The following KMT2C variants were observed in gnomAD, a reference collection of about 807,000 sequenced individuals.
KMT2C encodes lysine methyltransferase 2C, also known as histone-lysine N-methyltransferase 2C.
Under a neutral mutation model 507.9 loss-of-function variants are expected in KMT2C, and 88 were observed. That is an observed-to-expected ratio of 0.17 (90% CI 0.15 to 0.21). The LOEUF is 0.21. KMT2C is among the 10% of genes least tolerant of loss of function. The pLI, the probability that KMT2C is intolerant of heterozygous loss-of-function variation, is 1.00. For synonymous variants in KMT2C, 2,049 were observed against 2,080.8 expected, an observed-to-expected ratio of 0.98 and a Z score of 0.42; for missense variants, 4,954 against 5,957.8, an observed-to-expected ratio of 0.83 and a Z score of 5.55.
chr7:152,221,896 T>C (rs1001895307), intron 22 of KMT2C, 105 bp downstream of exon 22: 3 of 733,334 alleles, frequency 4.1e-6, no homozygotes, highest in Admixed American at 5.2e-5. Context: ...AGAATTTGGA[T>C]AGAACACCCA....
At position 152,177,087 on chromosome 7, in the gene KMT2C, C is replaced by G. The variant is rs1235484899; in HGVS notation, c.8366G>C (p.Cys2789Ser). 1.2e-6 allele frequency: 2 copies of G among 1,612,674 alleles called. No individual in the cohort carries two copies. Among genetic ancestry groups the G allele is most frequent in the Non-Finnish European group, 1.7e-6 (2 of 1,179,440 alleles). ...CTTTTTTTTTGGTTCAACAGATACA[C>G]ACTGATTATCTAACTTATCATCAAT... is the stretch of plus-strand genomic sequence containing the variant. Reference protein sequence around the residue: ...LPIDDKLDNQCVSVEPKKKEQ... With the variant: ...LPIDDKLDNQSVSVEPKKKEQ... The change falls in exon 38 of 59, where the codon TGT becomes TCT. Residue 2789 changes from cysteine (C) to serine (S), a missense_variant. Transcript: ENST00000262189.
At chr7:152,345,349 C>T (rs550359798) in intron 2 of KMT2C, among the ~76,000 whole-genome samples, 14 of 151,898 alleles carry the variant, frequency 9.2e-5, no homozygotes, top group Non-Finnish European at 1.5e-4. Context: ...AGCTGAGGTG[C>T]GAGGATGGCT....
At chr7:152,263,537 G>T (rs78743922) in intron 8 of KMT2C, among the ~76,000 whole-genome samples, 1 of 151,892 alleles carries the variant, frequency 6.6e-6, no homozygotes, top group Admixed American at 6.6e-5. Flanking sequence ...ATCAAATTTG[G>T]CATCAGATCT....
chr7:152,176,442 A>T lies in KMT2C; in HGVS notation c.9011T>A (p.Leu3004Gln), dbSNP rs1391716222. 6.2e-7 allele frequency: 1 copy of T among 1,614,092 alleles called. No individual in the cohort carries two copies. Among genetic ancestry groups the T allele is most frequent in the South Asian group, 1.1e-5 (1 of 91,094 alleles). ...IPGQSTVNHS[L>Q]GTGKPATQTG... ...TTGAGTTGCAGGTTTTCCTGTCCCC[A>T]GACTGTGGTTAACTGTTGATTGACC... Residue 3004 changes from leucine to glutamine, a missense_variant, in exon 38 of 59, where the codon CTG (leucine) becomes CAG (glutamine). By Grantham distance (113) the Leu-to-Gln change is moderately radical. This residue lies in a region of KMT2C where 1,689 missense variants were observed against 1,654.3 expected (regional missense o/e 1.02). Coordinates refer to ENST00000262189, the MANE Select transcript of KMT2C (RefSeq NM_170606.3).
intron 2 of KMT2C, among the ~76,000 whole-genome samples, chr7:152,351,943 T>C (rs1267449554): frequency 6.6e-5 from 10 of 152,152 alleles, no homozygotes; most frequent in African/African-American, 1.2e-4. Flanking sequence ...TCTGAGCACC[T>C]TGAAAAAAGA....
At chr7:152,143,522 C>CAG (rs1408260321) in intron 55 of KMT2C, among the ~76,000 whole-genome samples, 7 of 152,262 alleles carry the variant, frequency 4.6e-5, no homozygotes, top group Non-Finnish European at 4.4e-5. Flanking sequence ...AACAAGCTCC[C>CAG]AGGTGACACT....
intron 2 of KMT2C, among the ~76,000 whole-genome samples, chr7:152,338,628 CA>C (rs771245425): frequency 2.7e-4 from 41 of 152,204 alleles, no homozygotes; most frequent in South Asian, 8.3e-4. Context: ...TTTCTTCATT[CA>C]AAAGATAAGG....
intron 1 of KMT2C, among the ~76,000 whole-genome samples, chr7:152,417,048 C>CAAA (rs34690030): frequency 2.7e-4 from 18 of 67,262 alleles, no homozygotes; most frequent in African/African-American, 3.8e-4. Flanking sequence ...GACATCATCT[C>CAAA]AAAAAAAAAA....
At position 152,435,737 on chromosome 7, in the gene KMT2C, G is replaced by A. The variant is rs1261105602; in HGVS notation, c.50C>T (p.Pro17Leu). ...CGGGGCTCCAGGCTCCTCGGGGGGT[G>A]GTGGCGGCGGCTGCGGCTGCTCCAC... ...KSVEQPQPPPPPPEEPGAPAP... is the reference protein window; with the variant it reads ...KSVEQPQPPPLPPEEPGAPAP... The change falls in exon 1 of 59, where the codon CCA becomes CTA. Residue 17 changes from proline (P) to leucine (L), a missense_variant. By Grantham distance (98) the Pro-to-Leu change is moderately conservative. Transcript: ENST00000262189. 9 of 1,526,150 alleles carry A rather than the reference G, an allele frequency of 5.9e-6. No individual in the cohort carries two copies. Among genetic ancestry groups the A allele is most frequent in the Non-Finnish European group, 7.9e-6 (9 of 1,136,120 alleles). The allele number at this position is 1,526,150 out of a possible 1,614,324, so 94.5% of individuals were successfully genotyped here.
intron 6 of KMT2C, among the ~76,000 whole-genome samples, chr7:152,304,309 A>G (rs931718160): frequency 6.6e-6 from 1 of 152,232 alleles, no homozygotes; most frequent in African/African-American, 2.4e-5. Context: ...CTCAACCGAA[A>G]TTATCAAAAT....
chr7:152,251,819 GAAC>G, intron 11 of KMT2C, 117 bp downstream of exon 11: 1 of 588,586 alleles, frequency 1.7e-6, no homozygotes. Context: ...GAGAAACTGA[GAAC>G]AAGATGGAAT....
intron 2 of KMT2C, among the ~76,000 whole-genome samples, chr7:152,351,781 C>A (rs533676541): frequency 6.6e-6 from 1 of 152,108 alleles, no homozygotes; most frequent in Non-Finnish European, 1.5e-5. Flanking sequence ...CCAATCAATA[C>A]CCTTGTGATT....
At chr7:152,337,451 A>C (rs2129216917) in intron 2 of KMT2C, among the ~76,000 whole-genome samples, 1 of 152,334 alleles carries the variant, frequency 6.6e-6, no homozygotes, top group South Asian at 2.1e-4. Flanking sequence ...CCTCTTTTAA[A>C]CCTTTACTTT....
intron 4 of KMT2C, among the ~76,000 whole-genome samples, chr7:152,313,250 G>A (rs1308167196): frequency 1.3e-5 from 2 of 151,168 alleles, no homozygotes; most frequent in East Asian, 1.9e-4. Context: ...AAAAAAAAAA[G>A]ACCAACAGTT....
rs576305723 is a variant in KMT2C, at chr7:152,251,346, T to C, written c.1622-380A>G. Among the ~76,000 whole-genome samples the C allele has an allele frequency of 4.9e-4, 74 of 152,298 alleles. 1 individual carries two copies. Among genetic ancestry groups the C allele is most frequent in the Non-Finnish European group, 4.1e-4 (28 of 68,024 alleles). ...AAAAGGATATTTCAAAACTAAATAC[T>C]GATGGCATTCTGGAAATGAAAGGTT... On this transcript the variant is annotated intron_variant, in intron 11 of 58. Coordinates refer to ENST00000262189, the MANE Select transcript of KMT2C (RefSeq NM_170606.3).
intron 2 of KMT2C, among the ~76,000 whole-genome samples, chr7:152,331,598 G>C (rs973503092): frequency 3.4e-5 from 5 of 145,748 alleles, no homozygotes; most frequent in African/African-American, 1.3e-4. Flanking sequence ...AACACATCTA[G>C]ATCCTACCTC....
At chr7:152,235,574 T>A (rs1588462354) in intron 16 of KMT2C, among the ~76,000 whole-genome samples, 1 of 152,208 alleles carries the variant, frequency 6.6e-6, no homozygotes, top group East Asian at 1.9e-4. Context: ...ACATACTGAC[T>A]TTTTAGAGAG....
chr7:152,147,821 T>G (rs1275826029), intron 52 of KMT2C, among the ~76,000 whole-genome samples: 1 of 152,240 alleles, frequency 6.6e-6, no homozygotes. Context: ...AACTCGTATG[T>G]TCAAAGATAT....
At chr7:152,146,170 C>T (rs1433369529) in intron 53 of KMT2C, among the ~76,000 whole-genome samples, 3 of 152,188 alleles carry the variant, frequency 2.0e-5, no homozygotes, top group Non-Finnish European at 4.4e-5. Flanking sequence ...AGTGCTGCTG[C>T]GATCTACTGC....
Sources: allele counts gnomAD v4.1 joint callset (sites outside exome capture counted in the v4.1 genomes callset), GRCh38; gene constraint gnomAD v4.1.1; regional missense constraint gnomAD v4.1.1; transcripts MANE v1.5; gene names NCBI Gene and HGNC (gene_info 2026-07-23, HGNC 2026-07-21).